The following LRRC47 variants were observed in gnomAD, a reference collection of about 807,000 sequenced individuals.
The protein encoded by LRRC47 is leucine-rich repeat-containing protein 47.
In LRRC47, 31 loss-of-function variants were observed where a neutral mutation model predicts 40.9. That is an observed-to-expected ratio of 0.76 (90% CI 0.57 to 1.02). LRRC47 has a LOEUF of 1.02. LRRC47 is among the 50% of genes least tolerant of loss of function. The pLI, the probability that LRRC47 is intolerant of heterozygous loss-of-function variation, is 0.00. For missense variants in LRRC47, 726 were observed against 796.1 expected, an observed-to-expected ratio of 0.91 and a Z score of 1.06; for synonymous variants, 427 against 371.9, an observed-to-expected ratio of 1.15 and a Z score of -1.70.
In LRRC47 at chr1:3,782,862, A is replaced by T. The variant is rs902891696; in HGVS notation, c.1311-99T>A. The T allele has an allele frequency of 1.1e-4, 82 of 775,704 alleles. 1 individual carries two copies. Among genetic ancestry groups the T allele is most frequent in the Non-Finnish European group, 3.7e-5 (16 of 433,800 alleles). The allele number at this position is 775,704 out of a possible 1,614,324, so 48.1% of individuals were successfully genotyped here. On this transcript the variant is annotated intron_variant, in intron 4 of 6. Transcript: ENST00000378251. ...TGTGGTCCCAGCACTCAGGAGGCTG[A>T]GACAGGAGGGCTGCATGGGCCCAGG...
chr1:3,791,214 A>G (rs1419582589), intron 1 of LRRC47, among the ~76,000 whole-genome samples: 4 of 152,130 alleles, frequency 2.6e-5, no homozygotes, highest in Non-Finnish European at 4.4e-5. Flanking sequence ...TTCACTGTCC[A>G]CTGTCTGGCG....
intron 4 of LRRC47, 190 bp from the exon 5 acceptor site, chr1:3,782,953 C>T: frequency 3.4e-6 from 2 of 588,958 alleles, no homozygotes; most frequent in East Asian, 2.8e-5. Context: ...ATGGTGAGCT[C>T]CTGGGAGTGG....
Position 3,781,129 on chromosome 1 carries a change from C to T in LRRC47, c.1711G>A (p.Asp571Asn), listed in dbSNP as rs1643515305. 17 of 1,613,948 alleles carry T rather than the reference C, an allele frequency of 1.1e-5. No individual in the cohort carries two copies. Among genetic ancestry groups the T allele is most frequent in the South Asian group, 3.3e-5 (3 of 91,088 alleles). Residue 571 changes from aspartate to asparagine, a missense_variant, in exon 7 of 7, where the codon GAC becomes AAC. Coordinates refer to ENST00000378251, the MANE Select transcript of LRRC47 (RefSeq NM_020710.3). ...ACGTGGGGAGGGGCAGTGGCCAGGT[C>T]GGCCTTGGACGGGTACACCACCTTC... ...SLKVVYPSKADLATAPPHVTV... is the reference protein window; with the variant it reads ...SLKVVYPSKANLATAPPHVTV...
At position 3,789,442 on chromosome 1, in the gene LRRC47, C is replaced by T. The variant is rs1286408291; in HGVS notation, c.616-2132G>A. On this transcript the variant is annotated intron_variant, in intron 1 of 6. Transcript: ENST00000378251. ...CTGCAAACACGCAGTGCGGCGTCTC[C>T]CTCCGCTGACAAAGAGCAAGTTCCT... Among the ~76,000 whole-genome samples the T allele has an allele frequency of 2.6e-5, 4 of 152,274 alleles. No homozygotes were observed. The East Asian group carries it at 7.7e-4, about 29-fold the overall frequency.
rs34121825 is a variant in LRRC47, at chr1:3,779,336, C to T, written c.*1752G>A. 14,995 of 152,284 alleles carry T rather than the reference C, an allele frequency of 0.098. 856 individuals are homozygous for T. The highest frequency in any genetic ancestry group is 0.13 in the African/African-American group (5,356 of 41,532). The allele number at this position is 152,284 out of a possible 1,614,324, so 9.4% of individuals were successfully genotyped here. ...CAAAATCACCAGTCATTTCTACAGA[C>T]ACAGAAATCGAGACACTGAACAGAG... On this transcript the variant is annotated 3_prime_UTR_variant, in exon 7 of 7. Transcript: ENST00000378251.
rs145899171 is a variant in LRRC47 at position 3,784,172 on chromosome 1, T to C, written c.1195-61A>G. On this transcript the variant is annotated intron_variant, in intron 3 of 6. Coordinates refer to ENST00000378251, the MANE Select transcript of LRRC47 (RefSeq NM_020710.3). ...ACAGCCACAGAACTCGCCCATCGTG[T>C]CGATTACGGCCTTAAGCCTCAATGA... 334 of 1,429,514 alleles carry C rather than the reference T, an allele frequency of 2.3e-4. No homozygotes were observed. In the African/African-American group the frequency reaches 4.3e-3, roughly 18 times the overall value. 88.6% of individuals were successfully genotyped at this position (1,429,514 alleles called of 1,614,324 possible).
chr1:3,782,797 T>C lies in LRRC47; in HGVS notation c.1311-34A>G, dbSNP rs1462132217. ...GAAGAAATACAAATTCCAGGCATAA[T>C]TATAAAAGAAACACTGTGCTGGGTG... On this transcript the variant is annotated intron_variant, in intron 4 of 6. Transcript: ENST00000378251. 7 of 1,291,480 alleles carry C rather than the reference T, an allele frequency of 5.4e-6. No individual in the cohort carries two copies. The South Asian group carries it at 8.3e-5, about 15-fold the overall frequency. The allele number at this position is 1,291,480 out of a possible 1,614,324, so 80.0% of individuals were successfully genotyped here.
At chr1:3,791,645 G>A (rs987681042) in intron 1 of LRRC47, among the ~76,000 whole-genome samples, 4 of 152,146 alleles carry the variant, frequency 2.6e-5, no homozygotes, top group Non-Finnish European at 5.9e-5. Flanking sequence ...TAGTAGAGAC[G>A]GGGTTTCTCC....
At chr1:3,792,464 C>CTTTTTTT (rs34288803) in intron 1 of LRRC47, among the ~76,000 whole-genome samples, 2 of 142,418 alleles carry the variant, frequency 1.4e-5, no homozygotes, top group Admixed American at 6.9e-5. Flanking sequence ...TGGACGCACA[C>CTTTTTTT]TTTTTTTTTT....
chr1:3,787,637 G>A (rs1429394308), intron 1 of LRRC47, among the ~76,000 whole-genome samples: 1 of 152,200 alleles, frequency 6.6e-6, no homozygotes, highest in Non-Finnish European at 1.5e-5. Flanking sequence ...TCACGTTAGA[G>A]AACAGAAAGG....
At chr1:3,792,806 T>C (rs1459578676) in intron 1 of LRRC47, among the ~76,000 whole-genome samples, 1 of 152,158 alleles carries the variant, frequency 6.6e-6, no homozygotes, top group Non-Finnish European at 1.5e-5. Context: ...TGAAGAGAAA[T>C]ATTGCAACTG....
intron 1 of LRRC47, among the ~76,000 whole-genome samples, chr1:3,791,652 C>T (rs567961065): frequency 3.0e-4 from 45 of 152,316 alleles, no homozygotes; most frequent in African/African-American, 1.0e-3. Flanking sequence ...GACGGGGTTT[C>T]TCCATGTTGG....
intron 1 of LRRC47, among the ~76,000 whole-genome samples, chr1:3,794,581 C>G (rs1365560165): frequency 2.6e-5 from 4 of 151,980 alleles, no homozygotes; most frequent in Non-Finnish European, 5.9e-5. Flanking sequence ...CTCAAGCGAT[C>G]TGCCCGCCTC....
intron 1 of LRRC47, 114 bp downstream of exon 1, chr1:3,795,748 C>A (rs1270507790): frequency 7.5e-7 from 1 of 1,337,912 alleles, no homozygotes; most frequent in East Asian, 2.9e-5. Flanking sequence ...TAGGAATTCC[C>A]TGGGCCCAGT....
intron 1 of LRRC47, among the ~76,000 whole-genome samples, chr1:3,790,988 T>A (rs558154395): frequency 6.6e-6 from 1 of 152,166 alleles, no homozygotes; most frequent in Admixed American, 6.5e-5. Flanking sequence ...CGCAGGAAAG[T>A]GGCAGGAAGC....
Position 3,780,932 on chromosome 1 carries a change from C to T in LRRC47, c.*156G>A, listed in dbSNP as rs1570733834. On this transcript the variant is annotated 3_prime_UTR_variant, in exon 7 of 7. Transcript: ENST00000378251. ...CACAGGCTGCAGTGACTCGAGATCA[C>T]GCCACTGCACTCCAGCCTGGCGACA... 4.1e-5 allele frequency: 46 copies of T among 1,123,430 alleles called. No individual in the cohort carries two copies. Among genetic ancestry groups the T allele is most frequent in the East Asian group, 1.5e-4 (6 of 40,702 alleles). The allele number at this position is 1,123,430 out of a possible 1,614,324, so 69.6% of individuals were successfully genotyped here. A position where few individuals can be genotyped will look rare whatever the true frequency, so the allele number is the denominator to read the frequency against.
chr1:3,792,705 C>A (rs570357720), intron 1 of LRRC47, among the ~76,000 whole-genome samples: 1 of 152,198 alleles, frequency 6.6e-6, no homozygotes, highest in African/African-American at 2.4e-5. Flanking sequence ...GTGATTCGCC[C>A]GCCTTGGCCT....
chr1:3,795,836 G>T, intron 1 of LRRC47, 26 bp downstream of exon 1: 1 of 1,540,906 alleles, frequency 6.5e-7, no homozygotes, highest in Non-Finnish European at 8.7e-7. Context: ...GCCCCATCCC[G>T]CCCCGCCCGG....
intron 1 of LRRC47, among the ~76,000 whole-genome samples, chr1:3,790,715 AG>A (rs1360853410): frequency 3.9e-5 from 6 of 152,250 alleles, no homozygotes; most frequent in Non-Finnish European, 8.8e-5. Flanking sequence ...ATAGGACAGC[AG>A]AGGCCTCGTC....
Sources: allele counts gnomAD v4.1 joint callset (sites outside exome capture counted in the v4.1 genomes callset), GRCh38; gene constraint gnomAD v4.1.1; transcripts MANE v1.5; gene names NCBI Gene and HGNC (gene_info 2026-07-23, HGNC 2026-07-21).